Variants in ZNF426 observed in about 807,000 individuals in gnomAD.
ZNF426 encodes the protein zinc finger protein 426.
In ZNF426, 23 loss-of-function variants were observed where a neutral mutation model predicts 24.0. The observed-to-expected ratio is 0.96, with a 90% confidence interval of 0.69 to 1.36. The LOEUF (loss-of-function observed/expected upper bound fraction) is 1.36, where lower values mean the gene tolerates loss of function less well. ZNF426 is among the 40% of genes most tolerant of loss of function. The pLI is 0.00. For synonymous variants in ZNF426, 272 were observed against 224.6 expected, an observed-to-expected ratio of 1.21 and a Z score of -1.89; for missense variants, 646 against 658.4, an observed-to-expected ratio of 0.98 and a Z score of 0.21.
In ZNF426 at chr19:9,535,138, C is replaced by G. The variant is rs1320947790; in HGVS notation, c.117+50G>C. The G allele has an allele frequency of 2.8e-6, 4 of 1,412,260 alleles. No individual in the cohort carries two copies. The African/African-American group carries it at 5.8e-5, about 20-fold the overall frequency. 87.5% of individuals were successfully genotyped at this position (1,412,260 alleles called of 1,614,324 possible). A position where few individuals can be genotyped will look rare whatever the true frequency, so the allele number is the denominator to read the frequency against. On this transcript the variant is annotated intron_variant, in intron 4 of 7. Transcript: ENST00000253115. ...TCTGCCTAGAGGGAAATGTGTCTAC[C>G]TGGTGGATGCAAGTATGTCACTATG... is the stretch of plus-strand genomic sequence containing the variant.
chr19:9,532,616 T>G (rs1011689619), intron 6 of ZNF426, among the ~76,000 whole-genome samples: 1 of 152,158 alleles, frequency 6.6e-6, no homozygotes. Flanking sequence ...ATTTAATATT[T>G]TTGGACCATG....
intron 6 of ZNF426, among the ~76,000 whole-genome samples, chr19:9,532,437 C>A (rs2073900796): frequency 6.6e-6 from 1 of 151,672 alleles, no homozygotes; most frequent in African/African-American, 2.4e-5. Flanking sequence ...ACTGGGACAG[C>A]AGGTGCGTCC....
chr19:9,530,598 C>T (rs2073868497), intron 7 of ZNF426, among the ~76,000 whole-genome samples: 1 of 151,018 alleles, frequency 6.6e-6, no homozygotes, highest in Non-Finnish European at 1.5e-5. Flanking sequence ...CCTGTCTCCA[C>T]AAAATTTTGA....
intron 7 of ZNF426, 142 bp from the exon 8 acceptor site, chr19:9,529,778 T>G (rs1214131261): frequency 3.9e-6 from 3 of 772,546 alleles, no homozygotes; most frequent in African/African-American, 3.5e-5. Context: ...CCTGTAGATT[T>G]ATTTTAAGTG....
chr19:9,528,815 A>G lies in ZNF426; in HGVS notation c.1230T>C (p.His410=). The change falls in exon 8 of 8, where the codon CAT becomes CAC. Residue 410 remains histidine, a synonymous_variant. Coordinates refer to ENST00000253115, the MANE Select transcript of ZNF426 (RefSeq NM_024106.3). ...CCTTCTCTTCAGTGTGAGTTCTCAA[A>G]TGTCCACTAAGATTTGAGGAAACTG... ...AFAVSSNLSG[H]LRTHTEEKAC... The G allele has an allele frequency of 6.2e-7, 1 of 1,614,144 alleles. No homozygotes were observed. The highest frequency in any genetic ancestry group is 8.5e-7 in the Non-Finnish European group (1 of 1,180,036).
intron 4 of ZNF426, 56 bp downstream of exon 4, chr19:9,535,132 G>T: frequency 1.0e-5 from 12 of 1,182,196 alleles, no homozygotes; most frequent in African/African-American, 1.6e-5. Flanking sequence ...AGGGAAATGT[G>T]TCTACCTGGT....
rs745910744 is a variant in ZNF426, at chr19:9,528,789, G to T, written c.1256C>A (p.Ala419Asp). 2 of 1,613,990 alleles carry T rather than the reference G, an allele frequency of 1.2e-6. No homozygotes were observed. Among genetic ancestry groups the T allele is most frequent in the African/African-American group, 2.7e-5 (2 of 74,890 alleles). ...TTTCCCACATATCTTACACTCACAG[G>T]CCTTCTCTTCAGTGTGAGTTCTCAA... ...GHLRTHTEEK[A>D]CECKICGKVF... Residue 419 changes from alanine to aspartate, a missense_variant, in exon 8 of 8, where the codon GCC becomes GAC. Transcript: ENST00000253115.
At chr19:9,535,084 A>C (rs2073944897) in intron 4 of ZNF426, 104 bp downstream of exon 4, 2 of 886,734 alleles carry the variant, frequency 2.3e-6, no homozygotes, top group Admixed American at 5.5e-5. Context: ...TCTCAAAAAA[A>C]AAAAAAAAAA....
Position 9,533,922 on chromosome 19 carries a change from C to T in ZNF426, c.162G>A (p.Glu54=). ...FDDVAVDFTQ[E]EWTLLDSTQR... ...GAGTTGAGTCCAGTAAAGTCCACTC[C>T]TCCTGGGTGAAGTCCACAGCCACAT... is the stretch of plus-strand genomic sequence containing the variant. Residue 54 remains glutamate (E), a synonymous_variant, in exon 5 of 8, where the codon GAG becomes GAA. Transcript: ENST00000253115. 2.5e-6 allele frequency: 4 copies of T among 1,614,096 alleles called. No individual in the cohort carries two copies. The highest frequency in any genetic ancestry group is 3.4e-6 in the Non-Finnish European group (4 of 1,179,988).
rs182989194 is a variant in ZNF426, at chr19:9,535,232, G to T, written c.73C>A (p.Pro25Thr). Residue 25 changes from proline (P) to threonine (T), a missense_variant, in exon 4 of 8, where the codon CCA becomes ACA. Transcript: ENST00000253115. Reference sequence around the variant, plus strand: ...CAGTCAGCCACTATTCTTCCTGCTGGTGTCTTTTCTTCATGAAGGCAAACT... The same window carrying T: ...CAGTCAGCCACTATTCTTCCTGCTGTTGTCTTTTCTTCATGAAGGCAAACT... ...DPVCLHEEKT[P>T]AGRIVADCLT... The T allele has an allele frequency of 1.9e-6, 3 of 1,613,532 alleles. No individual in the cohort carries two copies. Among genetic ancestry groups the T allele is most frequent in the Non-Finnish European group, 1.7e-6 (2 of 1,179,768 alleles).
chr19:9,523,749 T>C lies in ZNF426; in HGVS notation c.*4631A>G, dbSNP rs924344405. The C allele has an allele frequency of 3.3e-5, 5 of 152,240 alleles. No individual in the cohort carries two copies. The highest frequency in any genetic ancestry group is 7.3e-5 in the Non-Finnish European group (5 of 68,060). 9.4% of individuals were successfully genotyped at this position (152,240 alleles called of 1,614,324 possible). A position where few individuals can be genotyped will look rare whatever the true frequency, so the allele number is the denominator to read the frequency against. On this transcript the variant is annotated 3_prime_UTR_variant, in exon 8 of 8. Transcript: ENST00000253115. ...GATCCCTTGCATGTGCAGTTCACAATAAAGTTCATGCTCCTATGAGAATCT... is the reference window on the plus strand; with the variant it reads ...GATCCCTTGCATGTGCAGTTCACAACAAAGTTCATGCTCCTATGAGAATCT...
chr19:9,529,721 G>C lies in ZNF426; in HGVS notation c.409-85C>G, dbSNP rs527435292. On this transcript the variant is annotated intron_variant, in intron 7 of 7. Coordinates refer to ENST00000253115, the MANE Select transcript of ZNF426 (RefSeq NM_024106.3). ...CATCTGAAGCTAGAAACATTATAATGGTGATTATAATTGATGCCATTTTTA... is the reference window on the plus strand; with the variant it reads ...CATCTGAAGCTAGAAACATTATAATCGTGATTATAATTGATGCCATTTTTA... 4 of 1,311,194 alleles carry C rather than the reference G, an allele frequency of 3.1e-6. No individual in the cohort carries two copies. In the South Asian group the frequency reaches 4.4e-5, roughly 14 times the overall value. 81.2% of individuals were successfully genotyped at this position (1,311,194 alleles called of 1,614,324 possible). A position where few individuals can be genotyped will look rare whatever the true frequency, so the allele number is the denominator to read the frequency against.
chr19:9,536,573 A>G (rs891739227), intron 2 of ZNF426: 1 of 313,948 alleles, frequency 3.2e-6, no homozygotes, highest in Admixed American at 4.7e-5. Context: ...CAAACAAAAA[A>G]AAATGAAGTG....
Position 9,535,198 on chromosome 19 carries a change from T to C in ZNF426, c.107A>G (p.Asp36Gly), listed in dbSNP as rs912470172. Residue 36 changes from aspartate to glycine, a missense_variant, in exon 4 of 8, where the codon GAT becomes GGT. Coordinates refer to ENST00000253115, the MANE Select transcript of ZNF426 (RefSeq NM_024106.3). ...AGRIVADCLT[D>G]CYQDSVTFDD... is the part of the protein sequence containing the mutation. ...ACAGCTGCTTTTTACCTGATAACAA[T>C]CTGTTAGGCAGTCAGCCACTATTCT... is the stretch of plus-strand genomic sequence containing the variant. The C allele has an allele frequency of 1.2e-6, 2 of 1,610,062 alleles. No homozygotes were observed.
Position 9,525,020 on chromosome 19 carries a change from C to A in ZNF426, c.*3360G>T, listed in dbSNP as rs948644940. 6.6e-6 allele frequency: 1 copy of A among 151,476 alleles called. No individual in the cohort carries two copies. Among genetic ancestry groups the A allele is most frequent in the African/African-American group, 2.4e-5 (1 of 41,306 alleles). 9.4% of individuals were successfully genotyped at this position (151,476 alleles called of 1,614,324 possible). On this transcript the variant is annotated 3_prime_UTR_variant, in exon 8 of 8. Coordinates refer to ENST00000253115, the MANE Select transcript of ZNF426 (RefSeq NM_024106.3). ...ATCCCAGCACTTTGGGAGGCCGAGGCGGGCGGATCACGAGGTCAGGAGATC... is the reference window on the plus strand; with the variant it reads ...ATCCCAGCACTTTGGGAGGCCGAGGAGGGCGGATCACGAGGTCAGGAGATC...
rs1442946878 is a variant in ZNF426, at chr19:9,526,240, T to C, written c.*2140A>G. The C allele has an allele frequency of 6.7e-6, 1 of 149,366 alleles. No homozygotes were observed. The allele number at this position is 149,366 out of a possible 1,614,324, so 9.3% of individuals were successfully genotyped here. On this transcript the variant is annotated 3_prime_UTR_variant, in exon 8 of 8. Coordinates refer to ENST00000253115, the MANE Select transcript of ZNF426 (RefSeq NM_024106.3). ...TATGCCATGTCCAGCTAAGGAAAAA[T>C]TACAAGCATACTAAAAGGCAAAAGT...
chr19:9,527,493 G>A lies in ZNF426; in HGVS notation c.*887C>T, dbSNP rs185269091. On this transcript the variant is annotated 3_prime_UTR_variant, in exon 8 of 8. Coordinates refer to ENST00000253115, the MANE Select transcript of ZNF426 (RefSeq NM_024106.3). ...ACTTGCATGTGAATATTAAAATATAGTGAACATTCACAGGCTTTTTCATGC... is the reference window on the plus strand; with the variant it reads ...ACTTGCATGTGAATATTAAAATATAATGAACATTCACAGGCTTTTTCATGC... 4.6e-5 allele frequency: 7 copies of A among 152,204 alleles called. No individual in the cohort carries two copies. The East Asian group carries it at 1.4e-3, about 29-fold the overall frequency. 9.4% of individuals were successfully genotyped at this position (152,204 alleles called of 1,614,324 possible). A position where few individuals can be genotyped will look rare whatever the true frequency, so the allele number is the denominator to read the frequency against.
Position 9,529,513 on chromosome 19 carries a change from G to A in ZNF426, c.532C>T (p.Gln178Ter). The A allele has an allele frequency of 6.2e-7, 1 of 1,613,216 alleles. No homozygotes were observed. Among genetic ancestry groups the A allele is most frequent in the Non-Finnish European group, 8.5e-7 (1 of 1,180,012 alleles). The change falls in exon 8 of 8, where the codon CAG becomes TAG. Residue 178 changes from glutamine (Q) to a stop codon, truncating the protein, a stop_gained. Coordinates refer to ENST00000253115, the MANE Select transcript of ZNF426 (RefSeq NM_024106.3). LOFTEE classifies it low-confidence loss of function (END_TRUNC). ...QSTGNTHDCN[Q>*]YGKDFLTLCE... ...AGGGTAAGGAAATCTTTTCCATACT[G>A]ATTACAGTCATGAGTGTTCCCTGTA...
At chr19:9,536,446 A>G (rs2073967045) in intron 2 of ZNF426, 90 bp from the exon 3 acceptor site, 1 of 1,314,486 alleles carries the variant, frequency 7.6e-7, no homozygotes, top group African/African-American at 1.5e-5. Context: ...CATGCCTGTA[A>G]TCCCAGCATT....
Sources: allele counts gnomAD v4.1 joint callset (sites outside exome capture counted in the v4.1 genomes callset), GRCh38; gene constraint gnomAD v4.1.1; transcripts MANE v1.5; gene names NCBI Gene and HGNC (gene_info 2026-07-23, HGNC 2026-07-21).